Variants in TFDP3 observed in about 807,000 individuals in gnomAD.
TFDP3 encodes the protein E2F-like protein.
For synonymous variants in TFDP3, 167 were observed against 131.3 expected (o/e 1.27, Z -1.86); for missense variants, 353 against 321.6 (o/e 1.10, Z -0.75).
In TFDP3 at chrX:133,217,690, G is replaced by A; in HGVS notation, c.570C>T (p.Thr190=). 9 of 1,211,837 alleles carry A rather than the reference G, an allele frequency of 7.4e-6. No individual in the cohort carries two copies. Among genetic ancestry groups the A allele is most frequent in the Non-Finnish European group, 1.0e-5 (9 of 895,304 alleles). Reference sequence around the variant, plus strand: ...TCTGACAGTTCTGAGCCGAGTTGGTGGTCAGACCAATCCACTTGATCTTCT... The same window carrying A: ...TCTGACAGTTCTGAGCCGAGTTGGTAGTCAGACCAATCCACTTGATCTTCT... ...EKKKIKWIGL[T]TNSAQNCQNL... is the part of the protein sequence containing the mutation. The change falls in exon 1 of 1, where the codon ACC becomes ACT. Residue 190 remains threonine, a synonymous_variant. Coordinates refer to ENST00000310125, the MANE Select transcript of TFDP3 (RefSeq NM_016521.3).
At position 133,216,951 on chromosome X, in the gene TFDP3, A is replaced by G; in HGVS notation, c.*91T>C. 2 of 1,106,392 alleles carry G rather than the reference A, an allele frequency of 1.8e-6. No homozygotes were observed. 91.2% of individuals were successfully genotyped at this position (1,106,392 alleles called of 1,213,427 possible). Reference sequence around the variant, plus strand: ...CCAATATCTTCTTGGGAGTAGGCAAAAAAGAAACAGAAAACCTCACATTAA... The same window carrying G: ...CCAATATCTTCTTGGGAGTAGGCAAGAAAGAAACAGAAAACCTCACATTAA... On this transcript the variant is annotated 3_prime_UTR_variant, in exon 1 of 1. Transcript: ENST00000310125.
rs1489317436 is a variant in TFDP3, at chrX:133,217,264, C to G, written c.996G>C (p.Met332Ile). ...PKALEPYVTE[M>I]AQGTFGGVFT... ...ACACACCTCCAAAAGTTCCCTGAGCCATTTCTGTCACGTACGGCTCCAGAG... is the reference window on the plus strand; with the variant it reads ...ACACACCTCCAAAAGTTCCCTGAGCGATTTCTGTCACGTACGGCTCCAGAG... The change falls in exon 1 of 1, where the codon ATG (methionine) becomes ATC (isoleucine). Residue 332 changes from methionine (M) to isoleucine (I), a missense_variant. By Grantham distance (10) the Met-to-Ile change is conservative (BLOSUM62 1). Coordinates refer to ENST00000310125, the MANE Select transcript of TFDP3 (RefSeq NM_016521.3). 8.3e-7 allele frequency: 1 copy of G among 1,210,415 alleles called. No homozygotes were observed. Among genetic ancestry groups the G allele is most frequent in the African/African-American group, 1.7e-5 (1 of 57,233 alleles).
chrX:133,217,709 ATCT>A lies in TFDP3; in HGVS notation c.548_550del (p.Lys183del), dbSNP rs750716034. ...GTTGGTGGTCAGACCAATCCACTTG[ATCT>A]TCTTTTTCTCCCTGGAGATGATATT... On this transcript the variant is annotated inframe_deletion, in exon 1 of 1. Coordinates refer to ENST00000310125, the MANE Select transcript of TFDP3 (RefSeq NM_016521.3). The A allele has an allele frequency of 6.9e-5, 83 of 1,209,927 alleles. No homozygotes were observed. In the Middle Eastern group the frequency reaches 5.3e-3, roughly 77 times the overall value.
Position 133,217,593 on chromosome X carries a change from G to A in TFDP3, c.667C>T (p.Leu223=). ...QKQSELQQLI[L]QQIAFKNLVL... ...AGGTTCTTGAAAGCAATTTGCTGTA[G>A]AATAAGTTGTTGAAGTTCAGACTGT... The change falls in exon 1 of 1, where the codon CTA becomes TTA. Residue 223 remains leucine (L), a synonymous_variant. Coordinates refer to ENST00000310125, the MANE Select transcript of TFDP3 (RefSeq NM_016521.3). 1 of 1,211,704 alleles carries A rather than the reference G, an allele frequency of 8.3e-7. No homozygotes were observed. The highest frequency in any genetic ancestry group is 1.7e-5 in the African/African-American group (1 of 57,760).
At position 133,216,731 on chromosome X, in the gene TFDP3, C is replaced by G. The variant is rs1283909740; in HGVS notation, c.*311G>C. On this transcript the variant is annotated 3_prime_UTR_variant, in exon 1 of 1. Transcript: ENST00000310125. ...TGAAGTACAATTTCTTCAGTAAACT[C>G]AGGAAAAACTGTTAAGGGGCAACAA... 1 of 194,154 alleles carries G rather than the reference C, an allele frequency of 5.2e-6. No homozygotes were observed. The highest frequency in any genetic ancestry group is 9.2e-6 in the Non-Finnish European group (1 of 108,136). The allele number at this position is 194,154 out of a possible 1,213,427, so 16.0% of individuals were successfully genotyped here. A position where few individuals can be genotyped will look rare whatever the true frequency, so the allele number is the denominator to read the frequency against.
At position 133,217,697 on chromosome X, in the gene TFDP3, C is replaced by G; in HGVS notation, c.563G>C (p.Gly188Ala). Residue 188 changes from glycine (G) to alanine (A), a missense_variant, in exon 1 of 1, where the codon GGT (glycine) becomes GCT (alanine). By Grantham distance (60) the Gly-to-Ala change is moderately conservative. Transcript: ENST00000310125. ...SREKKKIKWI[G>A]LTTNSAQNCQ... is the part of the protein sequence containing the mutation. ...GTTCTGAGCCGAGTTGGTGGTCAGA[C>G]CAATCCACTTGATCTTCTTTTTCTC... The G allele has an allele frequency of 8.3e-7, 1 of 1,211,912 alleles. No individual in the cohort carries two copies. The highest frequency in any genetic ancestry group is 1.1e-6 in the Non-Finnish European group (1 of 895,397).
Position 133,217,566 on chromosome X carries a change from C to G in TFDP3, c.694G>C (p.Val232Leu). 1 of 1,211,753 alleles carries G rather than the reference C, an allele frequency of 8.3e-7. No individual in the cohort carries two copies. Among genetic ancestry groups the G allele is most frequent in the Non-Finnish European group, 1.1e-6 (1 of 895,472 alleles). Residue 232 changes from valine (V) to leucine (L), a missense_variant, in exon 1 of 1, where the codon GTG becomes CTG. Coordinates refer to ENST00000310125, the MANE Select transcript of TFDP3 (RefSeq NM_016521.3). ...TCCTCCACATACTGGTTTCTCAGCA[C>G]CAGGTTCTTGAAAGCAATTTGCTGT... is the stretch of plus-strand genomic sequence containing the variant. ...ILQQIAFKNL[V>L]LRNQYVEEQV...
chrX:133,218,346 G>A lies in TFDP3; in HGVS notation c.-87C>T, dbSNP rs775232266. The A allele has an allele frequency of 5.6e-6, 5 of 893,498 alleles. No individual in the cohort carries two copies. The highest frequency in any genetic ancestry group is 6.9e-5 in the East Asian group (2 of 28,960). The allele number at this position is 893,498 out of a possible 1,213,427, so 73.6% of individuals were successfully genotyped here. On this transcript the variant is annotated 5_prime_UTR_variant, in exon 1 of 1. The change creates a new upstream start codon in the 5' untranslated region. Transcript: ENST00000310125. ...CTTCCAGGCCGAGTGTAGGGCTGCC[G>A]TGAGGTGCGTGGCGTAACGTGCGTG...
rs2068012246 is a variant in TFDP3, at chrX:133,216,818, G to T, written c.*224C>A. The T allele has an allele frequency of 2.7e-6, 1 of 366,886 alleles. No individual in the cohort carries two copies. Among genetic ancestry groups the T allele is most frequent in the Non-Finnish European group, 4.4e-6 (1 of 229,833 alleles). 30.2% of individuals were successfully genotyped at this position (366,886 alleles called of 1,213,427 possible). A position where few individuals can be genotyped will look rare whatever the true frequency, so the allele number is the denominator to read the frequency against. The stretch of plus-strand genomic sequence containing the variant: ...CACAAAATCCTAAAAAGTAAATAAA[G>T]ATTCTGTGTCAGCACACTGGTATCA... On this transcript the variant is annotated 3_prime_UTR_variant, in exon 1 of 1. Coordinates refer to ENST00000310125, the MANE Select transcript of TFDP3 (RefSeq NM_016521.3).
In TFDP3 at chrX:133,216,990, G is replaced by A; in HGVS notation, c.*52C>T. 9.1e-7 allele frequency: 1 copy of A among 1,096,131 alleles called. No individual in the cohort carries two copies. Among genetic ancestry groups the A allele is most frequent in the Non-Finnish European group, 1.2e-6 (1 of 838,159 alleles). 90.3% of individuals were successfully genotyped at this position (1,096,131 alleles called of 1,213,427 possible). A position where few individuals can be genotyped will look rare whatever the true frequency, so the allele number is the denominator to read the frequency against. On this transcript the variant is annotated 3_prime_UTR_variant, in exon 1 of 1. Coordinates refer to ENST00000310125, the MANE Select transcript of TFDP3 (RefSeq NM_016521.3). ...ACCTCACATTAAAAAAAAAAAAAAA[G>A]TTTCTTTTCCCTAAATGTTTTCCTG...
rs753680590 is a variant in TFDP3 at position 133,217,123 on chromosome X, C to T, written c.1137G>A (p.Arg379=). ...CCTCCTCGACTGCTGGGGTCTCCAC[C>T]CTGGAGCCACTGTACTGAGATCCAC... The part of the protein sequence containing the change: ...SSGGSQYSGS[R]VETPAVEEEE... Residue 379 remains arginine (R), a synonymous_variant, in exon 1 of 1, where the codon AGG becomes AGA. Coordinates refer to ENST00000310125, the MANE Select transcript of TFDP3 (RefSeq NM_016521.3). 8.3e-6 allele frequency: 10 copies of T among 1,211,619 alleles called. No homozygotes were observed. In the South Asian group the frequency reaches 1.8e-4, roughly 21 times the overall value.
chrX:133,218,296 A>C lies in TFDP3; in HGVS notation c.-37T>G. The C allele has an allele frequency of 9.3e-7, 1 of 1,073,745 alleles. No individual in the cohort carries two copies. The highest frequency in any genetic ancestry group is 1.2e-6 in the Non-Finnish European group (1 of 815,404). The allele number at this position is 1,073,745 out of a possible 1,213,427, so 88.5% of individuals were successfully genotyped here. A position where few individuals can be genotyped will look rare whatever the true frequency, so the allele number is the denominator to read the frequency against. Reference sequence around the variant, plus strand: ...TGGGAAATAAATGCTATAAATGTTCACCTTTCCAGAGAAGAAAAACAATTC... The same window carrying C: ...TGGGAAATAAATGCTATAAATGTTCCCCTTTCCAGAGAAGAAAAACAATTC... On this transcript the variant is annotated 5_prime_UTR_variant, in exon 1 of 1. Coordinates refer to ENST00000310125, the MANE Select transcript of TFDP3 (RefSeq NM_016521.3).
At position 133,216,924 on chromosome X, in the gene TFDP3, T is replaced by C. The variant is rs888575472; in HGVS notation, c.*118A>G. The C allele has an allele frequency of 3.6e-5, 36 of 1,012,657 alleles. No individual in the cohort carries two copies. The highest frequency in any genetic ancestry group is 3.6e-4 in the Middle Eastern group (1 of 2,788). The allele number at this position is 1,012,657 out of a possible 1,213,427, so 83.5% of individuals were successfully genotyped here. A position where few individuals can be genotyped will look rare whatever the true frequency, so the allele number is the denominator to read the frequency against. The stretch of plus-strand genomic sequence containing the variant: ...AGGTGCATATCTAAATTCTATAGCT[T>C]ACCAATATCTTCTTGGGAGTAGGCA... On this transcript the variant is annotated 3_prime_UTR_variant, in exon 1 of 1. Coordinates refer to ENST00000310125, the MANE Select transcript of TFDP3 (RefSeq NM_016521.3).
Position 133,217,234 on chromosome X carries a change from C to G in TFDP3, c.1026G>C (p.Thr342=), listed in dbSNP as rs369437227. Residue 342 remains threonine (T), a synonymous_variant, in exon 1 of 1, where the codon ACG becomes ACC. Coordinates refer to ENST00000310125, the MANE Select transcript of TFDP3 (RefSeq NM_016521.3). ...TGCCATTAGACCTGGAACCTGCCGTCGTGAACACACCTCCAAAAGTTCCCT... is the reference window on the plus strand; with the variant it reads ...TGCCATTAGACCTGGAACCTGCCGTGGTGAACACACCTCCAAAAGTTCCCT... ...MAQGTFGGVF[T]TAGSRSNGTW... is the part of the protein sequence containing the mutation. 2.2e-5 allele frequency: 27 copies of G among 1,209,963 alleles called. No homozygotes were observed. The highest frequency in any genetic ancestry group is 2.9e-5 in the Non-Finnish European group (26 of 895,365).
At position 133,217,235 on chromosome X, in the gene TFDP3, G is replaced by A; in HGVS notation, c.1025C>T (p.Thr342Met). 1 of 1,211,745 alleles carries A rather than the reference G, an allele frequency of 8.3e-7. No individual in the cohort carries two copies. Among genetic ancestry groups the A allele is most frequent in the Non-Finnish European group, 1.1e-6 (1 of 895,581 alleles). Residue 342 changes from threonine to methionine, a missense_variant, in exon 1 of 1, where the codon ACG (threonine) becomes ATG (methionine). Physicochemically the swap from Thr to Met is moderately conservative, Grantham distance 81 (BLOSUM62 -1). Coordinates refer to ENST00000310125, the MANE Select transcript of TFDP3 (RefSeq NM_016521.3). The part of the protein sequence containing the change: ...MAQGTFGGVF[T>M]TAGSRSNGTW... ...GCCATTAGACCTGGAACCTGCCGTCGTGAACACACCTCCAAAAGTTCCCTG... is the reference window on the plus strand; with the variant it reads ...GCCATTAGACCTGGAACCTGCCGTCATGAACACACCTCCAAAAGTTCCCTG...
In TFDP3 at chrX:133,218,009, G is replaced by A. The variant is rs1402302586; in HGVS notation, c.251C>T (p.Ala84Val). 9.9e-6 allele frequency: 12 copies of A among 1,212,029 alleles called. No individual in the cohort carries two copies. Among genetic ancestry groups the A allele is most frequent in the African/African-American group, 6.9e-5 (4 of 57,855 alleles). ...GGAGTAGGAATGCTGGTTCTGAGAGGCAAAGTGAGTGCTGGGTGGGTTTGG... is the reference window on the plus strand; with the variant it reads ...GGAGTAGGAATGCTGGTTCTGAGAGACAAAGTGAGTGCTGGGTGGGTTTGG... ...GSPNPPSTHF[A>V]SQNQHSYSSP... Residue 84 changes from alanine to valine, a missense_variant, in exon 1 of 1, where the codon GCC becomes GTC. Coordinates refer to ENST00000310125, the MANE Select transcript of TFDP3 (RefSeq NM_016521.3).
Position 133,217,472 on chromosome X carries a change from T to TTGCTAC in TFDP3, c.782_787dup (p.Ser261_Ser262dup). 1 of 1,212,023 alleles carries TTGCTAC rather than the reference T, an allele frequency of 8.3e-7. No individual in the cohort carries two copies. Among genetic ancestry groups the TTGCTAC allele is most frequent in the Non-Finnish European group, 1.1e-6 (1 of 895,557 alleles). On this transcript the variant is annotated inframe_insertion, in exon 1 of 1. Coordinates refer to ENST00000310125, the MANE Select transcript of TFDP3 (RefSeq NM_016521.3). ...GATGCTGCAGTTGATGACGGTCTTCTTGCTACTGCTGATGATGATGAAGGG... is the reference window on the plus strand; with the variant it reads ...GATGCTGCAGTTGATGACGGTCTTCTTGCTACTGCTACTGCTGATGATGATGAAGGG...
At position 133,217,502 on chromosome X, in the gene TFDP3, T is replaced by G. The variant is rs192032791; in HGVS notation, c.758A>C (p.His253Pro). 7 of 1,210,621 alleles carry G rather than the reference T, an allele frequency of 5.8e-6. No individual in the cohort carries two copies. The Admixed American group carries it at 1.3e-4, about 23-fold the overall frequency. The change falls in exon 1 of 1, where the codon CAC becomes CCC. Residue 253 changes from histidine (H) to proline (P), a missense_variant. Coordinates refer to ENST00000310125, the MANE Select transcript of TFDP3 (RefSeq NM_016521.3). ...ACTGCTGATGATGATGAAGGGCACG[T>G]GGATGACTGAGTTGGGCAGCGGCCG... Reference protein sequence around the residue: ...SQRPLPNSVIHVPFIIISSSK... With the variant: ...SQRPLPNSVIPVPFIIISSSK...
In TFDP3 at chrX:133,217,979, G is replaced by A. The variant is rs745533547; in HGVS notation, c.281C>T (p.Pro94Leu). ...ASQNQHSYSS[P>L]PWAGQHNRKG... ...CCTGTTGTGCTGCCCGGCCCAAGGA[G>A]GTGAGGAGTAGGAATGCTGGTTCTG... Residue 94 changes from proline (P) to leucine (L), a missense_variant, in exon 1 of 1, where the codon CCT becomes CTT. Pro to Leu is a moderately conservative substitution (Grantham distance 98). Transcript: ENST00000310125. 3.3e-6 allele frequency: 4 copies of A among 1,210,125 alleles called. No homozygotes were observed. The highest frequency in any genetic ancestry group is 3.0e-5 in the East Asian group (1 of 33,734).
Sources: gnomAD v4.1 joint callset for allele counts on GRCh38, gnomAD v4.1.1 for gene constraint, MANE v1.5 for transcripts, NCBI Gene and HGNC (gene_info 2026-07-23, HGNC 2026-07-21) for gene names.